Variants in RICTOR observed in about 807,000 individuals in gnomAD.
RICTOR encodes the protein rapamycin-insensitive companion of mTOR.
RICTOR carries 49 observed loss-of-function variants against 214.9 expected under a neutral mutation model. The ratio of observed to expected loss-of-function variants is 0.23; its 90% CI spans 0.18 to 0.29. RICTOR has a LOEUF of 0.29. RICTOR is among the 10% of genes least tolerant of loss of function. The pLI is 1.00. For missense variants in RICTOR, 1,625 were observed against 2,047.0 expected (o/e 0.79, Z 3.98); for synonymous variants, 717 against 711.3 (o/e 1.01, Z -0.13).
chr5:39,036,486 T>C (rs201374298), intron 2 of RICTOR, among the ~76,000 whole-genome samples: 1 of 152,146 alleles, frequency 6.6e-6, no homozygotes, highest in African/African-American at 2.4e-5. Context: ...TAAATGTAAA[T>C]AGGCTAAATG....
At chr5:39,055,234 C>T (rs58018271) in intron 2 of RICTOR, among the ~76,000 whole-genome samples, 14 of 152,176 alleles carry the variant, frequency 9.2e-5, no homozygotes, top group African/African-American at 3.4e-4. Flanking sequence ...CTCTCCTAAT[C>T]TCATATTCCC....
rs1751207545 is a variant in RICTOR at position 38,976,076 on chromosome 5, A to G, written c.822-472T>C. 2.6e-5 allele frequency among the ~76,000 whole-genome samples: 4 copies of G among 152,350 alleles called. No homozygotes were observed. In the South Asian group the frequency reaches 8.3e-4, roughly 32 times the overall value. On this transcript the variant is annotated intron_variant, in intron 9 of 37. Transcript: ENST00000357387. Reference sequence around the variant, plus strand: ...CACTGAAATGTTATGAAATAACTACATATTAACATCACCAGCTACTTTCTT... The same window carrying G: ...CACTGAAATGTTATGAAATAACTACGTATTAACATCACCAGCTACTTTCTT...
chr5:38,974,411 A>G (rs1023018008), intron 10 of RICTOR, among the ~76,000 whole-genome samples: 1 of 152,184 alleles, frequency 6.6e-6, no homozygotes, highest in Non-Finnish European at 1.5e-5. Context: ...TTTAAGAGCA[A>G]TAAGGAAAGA....
At chr5:39,040,212 C>T (rs980817661) in intron 2 of RICTOR, among the ~76,000 whole-genome samples, 1 of 150,462 alleles carries the variant, frequency 6.6e-6, no homozygotes, top group Non-Finnish European at 1.5e-5. Context: ...CAAACTATTG[C>T]AAGGACAAAA....
chr5:38,959,441 A>T, intron 21 of RICTOR, 120 bp from the exon 22 acceptor site: 3 of 652,268 alleles, frequency 4.6e-6, no homozygotes, highest in Non-Finnish European at 7.7e-6. Flanking sequence ...TGTATTATTC[A>T]AAGTGTATAA....
intron 5 of RICTOR, 131 bp downstream of exon 5, chr5:39,002,400 GTATA>G (rs1208545056): frequency 3.4e-4 from 125 of 363,820 alleles, no homozygotes; most frequent in East Asian, 7.1e-4. Context: ...GTGTGTGTGT[GTATA>G]TATATATATA....
intron 32 of RICTOR, 72 bp downstream of exon 32, chr5:38,947,192 T>C: frequency 9.3e-7 from 1 of 1,079,888 alleles, no homozygotes. Flanking sequence ...TTATGATTTC[T>C]AGTAAGCAGT....
chr5:38,941,783 G>A lies in RICTOR; in HGVS notation c.*521C>T, dbSNP rs974655792. 1.7e-5 allele frequency: 4 copies of A among 232,648 alleles called. No individual in the cohort carries two copies. The highest frequency in any genetic ancestry group is 1.8e-4 in the South Asian group (1 of 5,518). The allele number at this position is 232,648 out of a possible 1,614,324, so 14.4% of individuals were successfully genotyped here. A position where few individuals can be genotyped will look rare whatever the true frequency, so the allele number is the denominator to read the frequency against. ...TAGTGTTACAAACATTAAGAAAAAC[G>A]TGAAAGGGCCAAAGTTCCCTCTCTA... On this transcript the variant is annotated 3_prime_UTR_variant, in exon 38 of 38. Transcript: ENST00000357387.
intron 7 of RICTOR, among the ~76,000 whole-genome samples, chr5:38,982,777 CATATATATATACAT>C (rs1380158870): frequency 2.8e-5 from 3 of 106,500 alleles, no homozygotes; most frequent in African/African-American, 1.0e-4. Context: ...TACATACACA[CATATATATATACAT>C]ATATATACAC....
intron 5 of RICTOR, among the ~76,000 whole-genome samples, chr5:38,997,674 G>A (rs1753277586): frequency 6.6e-6 from 1 of 151,978 alleles, no homozygotes; most frequent in African/African-American, 2.4e-5. Context: ...ATACTTTACA[G>A]TATAAAACAA....
In RICTOR at chr5:39,070,445, C is replaced by T. The variant is rs368934118; in HGVS notation, c.97+3666G>A. ...GATTGCGCCACTGCAGTCCGCAGTC[C>T]GGCCTGGGCGACAGAGCGAGACTCC... On this transcript the variant is annotated intron_variant, in intron 2 of 37. Transcript: ENST00000357387. Among the ~76,000 whole-genome samples the T allele has an allele frequency of 6.6e-5, 10 of 151,972 alleles. No individual in the cohort carries two copies. The East Asian group carries it at 1.4e-3, about 21-fold the overall frequency.
At chr5:39,003,258 T>C (rs1753787991) in intron 4 of RICTOR, among the ~76,000 whole-genome samples, 2 of 152,302 alleles carry the variant, frequency 1.3e-5, no homozygotes, top group African/African-American at 2.4e-5. Context: ...TAGTTGTTCC[T>C]GGGAATAATA....
intron 2 of RICTOR, among the ~76,000 whole-genome samples, chr5:39,050,627 C>T (rs375333343): frequency 1.7e-4 from 25 of 151,352 alleles, no homozygotes; most frequent in Non-Finnish European, 2.1e-4. Flanking sequence ...TGAGCCACCA[C>T]GCCTGACCTA....
chr5:38,945,516 T>G lies in RICTOR; in HGVS notation c.4608A>C (p.Gln1536His). The G allele has an allele frequency of 6.2e-7, 1 of 1,613,566 alleles. No individual in the cohort carries two copies. The highest frequency in any genetic ancestry group is 8.5e-7 in the Non-Finnish European group (1 of 1,179,492). Residue 1536 changes from glutamine to histidine, a missense_variant, in exon 34 of 38, where the codon CAA (glutamine) becomes CAC (histidine). This residue lies in a region of RICTOR where 1,214 missense variants were observed against 1,470.5 expected (regional missense o/e 0.83). Coordinates refer to ENST00000357387, the MANE Select transcript of RICTOR (RefSeq NM_152756.5). ...IEILGFQPSN[Q>H]LSAICSHSDF... Reference sequence around the variant, plus strand: ...CTGAATGACTACATATTGCACTCAGTTGGTTGCTGGGCTGGAAACCCAGAA... The same window carrying G: ...CTGAATGACTACATATTGCACTCAGGTGGTTGCTGGGCTGGAAACCCAGAA...
chr5:39,002,515 A>C lies in RICTOR; in HGVS notation c.392+20T>G, dbSNP rs1446013622. On this transcript the variant is annotated intron_variant, in intron 5 of 37. Transcript: ENST00000357387. ...CAACACAAAATTTCAAAAATATATAAACAAGTCTAGGAAATTTACCTAGCT... is the reference window on the plus strand; with the variant it reads ...CAACACAAAATTTCAAAAATATATACACAAGTCTAGGAAATTTACCTAGCT... The C allele has an allele frequency of 3.2e-6, 5 of 1,565,858 alleles. No homozygotes were observed. The highest frequency in any genetic ancestry group is 1.9e-5 in the Admixed American group (1 of 52,298).
At position 38,990,638 on chromosome 5, in the gene RICTOR, A is replaced by ATATATATAT. The variant is rs1221163724; in HGVS notation, c.583+310_583+311insATATATATA. On this transcript the variant is annotated intron_variant, in intron 7 of 37. Transcript: ENST00000357387. ...ATACGATATATGATATATATATCTG[A>ATATATATAT]CATATATCAGATATATGATATATAT... 8.7e-5 allele frequency among the ~76,000 whole-genome samples: 12 copies of ATATATATAT among 137,580 alleles called. 1 individual carries two copies. Among genetic ancestry groups the ATATATATAT allele is most frequent in the South Asian group, 2.3e-4 (1 of 4,400 alleles). 90.3% of individuals were successfully genotyped at this position (137,580 alleles called of 152,430 possible).
intron 11 of RICTOR, chr5:38,969,667 T>TA (rs896242756): frequency 1.3e-5 from 1 of 75,978 alleles, no homozygotes; most frequent in Non-Finnish European, 2.6e-5. Flanking sequence ...GTATTTTTAA[T>TA]TTTTTTTTTT....
chr5:38,945,326 G>C, intron 34 of RICTOR, 165 bp downstream of exon 34: 1 of 622,736 alleles, frequency 1.6e-6, no homozygotes, highest in Non-Finnish European at 2.8e-6. Flanking sequence ...ACCTGGAACC[G>C]TGAGAGGATC....
intron 25 of RICTOR, among the ~76,000 whole-genome samples, chr5:38,957,406 T>C (rs866010923): frequency 5.3e-5 from 8 of 152,040 alleles, no homozygotes; most frequent in African/African-American, 4.8e-5. Context: ...GAGTTGAGAG[T>C]CAAATTTCAA....
Sources: gnomAD v4.1 joint callset for allele counts (sites outside exome capture counted in the v4.1 genomes callset) on GRCh38, gnomAD v4.1.1 for gene constraint, gnomAD v4.1.1 regional missense constraint, MANE v1.5 for transcripts, NCBI Gene and HGNC (gene_info 2026-07-23, HGNC 2026-07-21) for gene names.